Variants in TBX15 observed in about 807,000 individuals in gnomAD.
The protein encoded by TBX15 is T-box transcription factor TBX15.
A neutral mutation model predicts 53.9 loss-of-function variants in TBX15; 18 were observed. That is an observed-to-expected ratio of 0.33 (90% CI 0.23 to 0.49). TBX15 has a LOEUF of 0.49. Ranked by LOEUF, TBX15 falls within the 20% of genes least tolerant of loss-of-function variation. The pLI is 0.98. For synonymous variants in TBX15, 295 were observed against 278.0 expected, an observed-to-expected ratio of 1.06 and a Z score of -0.61; for missense variants, 692 against 749.5, an observed-to-expected ratio of 0.92 and a Z score of 0.90.
chr1:118,914,575 TGTAA>T (rs771183994), intron 5 of TBX15, among the ~76,000 whole-genome samples: 1 of 152,104 alleles, frequency 6.6e-6, no homozygotes, highest in South Asian at 2.1e-4. Flanking sequence ...ACAAATGATG[TGTAA>T]GTGAGTTAAT....
chr1:118,973,095 T>C (rs1657289978), intron 1 of TBX15, among the ~76,000 whole-genome samples: 1 of 152,238 alleles, frequency 6.6e-6, no homozygotes, highest in South Asian at 2.1e-4. Flanking sequence ...CCAGGTACTA[T>C]GCCAAGCACC....
rs2101064295 is a variant in TBX15, at chr1:118,987,661, C to T, written c.135G>A (p.Glu45=). The T allele has an allele frequency of 1.3e-6, 2 of 1,550,302 alleles. No homozygotes were observed. The highest frequency in any genetic ancestry group is 1.7e-6 in the Non-Finnish European group (2 of 1,146,834). ...CGAGTGGGCCCGCGGGGCTCAGCGC[C>T]TCCATAGACAGGTCCAGCCCCTTCT... ...WEEKGLDLSM[E]ALSPAGPLGD... is the part of the protein sequence containing the mutation. The change falls in exon 1 of 8, where the codon GAG becomes GAA. Residue 45 remains glutamate, a synonymous_variant. Coordinates refer to ENST00000369429, the MANE Select transcript of TBX15 (RefSeq NM_001330677.2).
At position 118,885,077 on chromosome 1, in the gene TBX15, G is replaced by A; in HGVS notation, c.1464C>T (p.Ser488=). The part of the protein sequence containing the change: ...QYVMQAGNAA[S]SSSSPHMFGG... ...CGAACATGTGTGGTGATGAGGAGCT[G>A]GAGGCAGCATTGCCTGCCTGCATGA... Residue 488 remains serine, a synonymous_variant, in exon 8 of 8, where the codon TCC becomes TCT. Transcript: ENST00000369429. 1 of 1,614,180 alleles carries A rather than the reference G, an allele frequency of 6.2e-7. No homozygotes were observed. Among genetic ancestry groups the A allele is most frequent in the South Asian group, 1.1e-5 (1 of 91,080 alleles).
intron 2 of TBX15, among the ~76,000 whole-genome samples, chr1:118,929,116 C>A (rs914936933): frequency 7.2e-5 from 11 of 152,066 alleles, no homozygotes; most frequent in Admixed American, 3.9e-4. Context: ...GTTCTTTTGT[C>A]TTCTAAACCC....
chr1:118,893,332 A>AGAAGGAAGGAAGGAAGGAAGGAAG (rs1229778000), intron 7 of TBX15, among the ~76,000 whole-genome samples: 1 of 77,790 alleles, frequency 1.3e-5, no homozygotes, highest in African/African-American at 9.3e-5. Context: ...GAAAGAAGAA[A>AGAAGGAAGGAAGGAAGGAAGGAAG]GAAGGAAGGA....
intron 7 of TBX15, among the ~76,000 whole-genome samples, chr1:118,893,351 A>G (rs1482315042): frequency 3.3e-5 from 3 of 90,024 alleles, no homozygotes; most frequent in Admixed American, 3.0e-4. Flanking sequence ...GAAGGAAGGA[A>G]GGAAGGAAAG....
intron 1 of TBX15, among the ~76,000 whole-genome samples, chr1:118,964,826 C>G (rs1326684793): frequency 6.6e-6 from 1 of 152,130 alleles, no homozygotes; most frequent in Non-Finnish European, 1.5e-5. Context: ...TGGTTTGGGT[C>G]CCCCTCCAGG....
chr1:118,956,900 T>C (rs1250013546), intron 1 of TBX15, among the ~76,000 whole-genome samples: 1 of 151,528 alleles, frequency 6.6e-6, no homozygotes, highest in African/African-American at 2.4e-5. Context: ...GAGGCGGAGT[T>C]TGCAGTGAGC....
chr1:118,885,442 A>T lies in TBX15; in HGVS notation c.1099T>A (p.Ser367Thr). The part of the protein sequence containing the change: ...PSPSASSHLL[S>T]PSCSPPTFHL... ...AAAGTTGGAGGAGAACAGGATGGAG[A>T]TAAAAGATGAGAAGAAGCCGAAGGG... Residue 367 changes from serine (S) to threonine (T), a missense_variant, in exon 8 of 8, where the codon TCT becomes ACT. Ser to Thr is a moderately conservative substitution (Grantham distance 58). Coordinates refer to ENST00000369429, the MANE Select transcript of TBX15 (RefSeq NM_001330677.2). 1.2e-6 allele frequency: 2 copies of T among 1,612,072 alleles called. No individual in the cohort carries two copies. The highest frequency in any genetic ancestry group is 1.7e-6 in the Non-Finnish European group (2 of 1,179,080).
At chr1:118,956,631 C>T (rs919824252) in intron 1 of TBX15, among the ~76,000 whole-genome samples, 3 of 152,102 alleles carry the variant, frequency 2.0e-5, no homozygotes, top group African/African-American at 7.2e-5. Context: ...CATCAGAGAG[C>T]TGAAAGATAT....
chr1:118,960,228 G>A (rs1382053574), intron 1 of TBX15, among the ~76,000 whole-genome samples: 2 of 152,090 alleles, frequency 1.3e-5, no homozygotes, highest in African/African-American at 2.4e-5. Context: ...GGCCTGACGT[G>A]ACTTTCCAAC....
At chr1:118,952,076 C>T (rs1183474276) in intron 1 of TBX15, among the ~76,000 whole-genome samples, 5 of 152,202 alleles carry the variant, frequency 3.3e-5, no homozygotes, top group Non-Finnish European at 7.4e-5. Flanking sequence ...TCCTCTTCCT[C>T]CTCCTCTTCA....
chr1:118,981,303 T>TACAC (rs35594301), intron 1 of TBX15, among the ~76,000 whole-genome samples: 26,898 of 146,608 alleles, frequency 0.18, 2,489 homozygotes, highest in South Asian at 0.21. Flanking sequence ...TTAAACTAGC[T>TACAC]ACACACACAC....
intron 3 of TBX15, among the ~76,000 whole-genome samples, chr1:118,925,223 A>C (rs1327139130): frequency 6.6e-6 from 1 of 152,214 alleles, no homozygotes; most frequent in African/African-American, 2.4e-5. Flanking sequence ...TCAAATGCAA[A>C]CCATATAATC....
chr1:118,957,441 A>T (rs1048101412), intron 1 of TBX15, among the ~76,000 whole-genome samples: 1 of 152,206 alleles, frequency 6.6e-6, no homozygotes, highest in Non-Finnish European at 1.5e-5. Flanking sequence ...AAATTTCAGC[A>T]ATCAAGATAA....
chr1:118,914,745 G>A (rs1627174), intron 5 of TBX15, among the ~76,000 whole-genome samples: 4,191 of 152,286 alleles, frequency 0.028, 72 homozygotes, highest in South Asian at 0.061. Flanking sequence ...GACTTGAAAT[G>A]TTCATGTAGA....
intron 1 of TBX15, among the ~76,000 whole-genome samples, chr1:118,940,214 G>A (rs753859565): frequency 6.6e-6 from 1 of 151,894 alleles, no homozygotes; most frequent in South Asian, 2.1e-4. Context: ...AAGGTCTGAT[G>A]GGAATTTTCC....
At chr1:118,948,801 G>A (rs2101651436) in intron 1 of TBX15, among the ~76,000 whole-genome samples, 1 of 152,310 alleles carries the variant, frequency 6.6e-6, no homozygotes, top group South Asian at 2.1e-4. Context: ...CATGGTTTGA[G>A]TTGTGATTAC....
chr1:118,984,509 G>A (rs1475855350), intron 1 of TBX15, among the ~76,000 whole-genome samples: 5 of 148,256 alleles, frequency 3.4e-5, no homozygotes, highest in Non-Finnish European at 7.7e-5. Flanking sequence ...TACTTGCAAG[G>A]CCGCAGCAAT....
Sources: gnomAD v4.1 joint callset for allele counts (sites outside exome capture counted in the v4.1 genomes callset) on GRCh38, gnomAD v4.1.1 for gene constraint, MANE v1.5 for transcripts, NCBI Gene and HGNC (gene_info 2026-07-23, HGNC 2026-07-21) for gene names.